EFCC1: variants seen among roughly 807,000 people sequenced by gnomAD.
EFCC1 encodes EF-hand and coiled-coil domain containing 1.
In EFCC1, 50 loss-of-function variants were observed where a neutral mutation model predicts 52.1. That is an observed-to-expected ratio of 0.96 (90% confidence interval 0.76 to 1.21). EFCC1 has a LOEUF of 1.21. Ranked by LOEUF, EFCC1 falls within the 50% of genes most tolerant of loss-of-function variation. The probability of loss-of-function intolerance (pLI) is 0.00; values close to 1 mark genes in which losing one functional copy is unlikely to be tolerated. For missense variants in EFCC1, 837 were observed against 867.3 expected (o/e 0.97, Z 0.44); for synonymous variants, 399 against 396.5 (o/e 1.01, Z -0.08).
chr3:129,004,903 A>C (rs1945001108), intron 2 of EFCC1, among the ~76,000 whole-genome samples: 1 of 152,138 alleles, frequency 6.6e-6, no homozygotes, highest in Non-Finnish European at 1.5e-5. Context: ...AGTGTGGGCA[A>C]GTCACCACCC....
rs139140105 is a variant in EFCC1 at position 129,039,647 on chromosome 3, C to CA, written c.1664-64dup. ...GTGGCTGGGTCTCAGGAAGGAGGGA[C>CA]AGTGGCTCTGTGGGTGAAGGTGAGC... On this transcript the variant is annotated intron_variant, in intron 7 of 7. Transcript: ENST00000683648. 150 of 1,512,130 alleles carry CA rather than the reference C, an allele frequency of 9.9e-5. 2 individuals are homozygous for CA. The African/African-American group carries it at 1.8e-3, about 19-fold the overall frequency. 93.7% of individuals were successfully genotyped at this position (1,512,130 alleles called of 1,614,324 possible). A position where few individuals can be genotyped will look rare whatever the true frequency, so the allele number is the denominator to read the frequency against.
chr3:129,019,764 C>CTTTTTTTTT (rs760118112), intron 2 of EFCC1, among the ~76,000 whole-genome samples: 3 of 107,424 alleles, frequency 2.8e-5, no homozygotes, highest in East Asian at 3.0e-4. Context: ...ATTAAATTTA[C>CTTTTTTTTT]TTTTTTTTTT....
rs1356531121 is a variant in EFCC1 at position 129,004,090 on chromosome 3, G to A, written c.980+13G>A. The A allele has an allele frequency of 2.0e-6, 3 of 1,479,824 alleles. No individual in the cohort carries two copies. Among genetic ancestry groups the A allele is most frequent in the South Asian group, 2.5e-5 (2 of 79,168 alleles). The allele number at this position is 1,479,824 out of a possible 1,614,324, so 91.7% of individuals were successfully genotyped here. A position where few individuals can be genotyped will look rare whatever the true frequency, so the allele number is the denominator to read the frequency against. ...TGCAACGCTACAGGTGAGCGGGGGC[G>A]CGTGCCCTGGGCCCAAGTTCCCCAA... is the stretch of plus-strand genomic sequence containing the variant. On this transcript the variant is annotated intron_variant, in intron 2 of 7. Transcript: ENST00000683648.
rs923391278 is a variant in EFCC1 at position 129,002,066 on chromosome 3, C to A, written c.438C>A (p.His146Gln). ...CGGAGCTCACCTTCCGCCAGTTCCA[C>A]GCGCGCCTCTGTGGCTACTTCGGCA... ...EPPELTFRQF[H>Q]ARLCGYFGTR... Residue 146 changes from histidine (H) to glutamine (Q), a missense_variant, in exon 1 of 8, where the codon CAC becomes CAA. By Grantham distance (24) the His-to-Gln change is conservative (BLOSUM62 0). Coordinates refer to ENST00000683648, the MANE Select transcript of EFCC1 (RefSeq NM_001377500.1). 1 of 1,537,744 alleles carries A rather than the reference C, an allele frequency of 6.5e-7. No homozygotes were observed. The highest frequency in any genetic ancestry group is 8.8e-7 in the Non-Finnish European group (1 of 1,142,108).
intron 2 of EFCC1, among the ~76,000 whole-genome samples, chr3:129,025,029 G>A (rs1473302766): frequency 6.6e-6 from 1 of 152,116 alleles, no homozygotes; most frequent in Non-Finnish European, 1.5e-5. Flanking sequence ...GATGGAGGAA[G>A]ACCAGGACAA....
chr3:129,011,661 C>CAGAGG (rs1185619542), intron 2 of EFCC1, among the ~76,000 whole-genome samples: 3 of 152,064 alleles, frequency 2.0e-5, no homozygotes, highest in Admixed American at 2.0e-4. Context: ...AGCAAGGAGG[C>CAGAGG]AGAGGAGGAG....
chr3:129,009,344 C>T (rs540699135), intron 2 of EFCC1, among the ~76,000 whole-genome samples: 93 of 152,318 alleles, frequency 6.1e-4, no homozygotes, highest in Non-Finnish European at 1.1e-3. Flanking sequence ...AGTGTTACCA[C>T]GATATACTGA....
intron 2 of EFCC1, among the ~76,000 whole-genome samples, chr3:129,017,535 T>C (rs1479624016): frequency 6.6e-6 from 1 of 152,214 alleles, no homozygotes; most frequent in East Asian, 1.9e-4. Context: ...CAGCTCCTTT[T>C]GGCCGTGGGA....
At chr3:129,011,013 G>T (rs888259783) in intron 2 of EFCC1, among the ~76,000 whole-genome samples, 1 of 152,138 alleles carries the variant, frequency 6.6e-6, no homozygotes, top group African/African-American at 2.4e-5. Context: ...AGTTTCCTCG[G>T]CTATAAAGTG....
rs978223555 is a variant in EFCC1 at position 129,036,858 on chromosome 3, C to T, written c.1453-119C>T. 8.7e-6 allele frequency: 13 copies of T among 1,485,728 alleles called. No individual in the cohort carries two copies. The African/African-American group carries it at 1.7e-4, about 19-fold the overall frequency. 92.0% of individuals were successfully genotyped at this position (1,485,728 alleles called of 1,614,324 possible). ...TCCAACCCGCTGTGTGGCTTTAGGC[C>T]ACACACTCAGCTTCTCTGGGCCTCA... On this transcript the variant is annotated intron_variant, in intron 5 of 7. Transcript: ENST00000683648.
intron 2 of EFCC1, among the ~76,000 whole-genome samples, chr3:129,019,769 T>A (rs1171198183): frequency 6.8e-6 from 1 of 147,216 alleles, no homozygotes; most frequent in Non-Finnish European, 1.5e-5. Flanking sequence ...ATTTACTTTT[T>A]TTTTTTTTTT....
intron 2 of EFCC1, among the ~76,000 whole-genome samples, chr3:129,030,235 A>T (rs575840002): frequency 2.6e-5 from 4 of 152,230 alleles, no homozygotes; most frequent in Admixed American, 1.3e-4. Flanking sequence ...AACTTTTTTT[A>T]AAATTCCCCT....
At chr3:129,029,914 G>A (rs559500110) in intron 2 of EFCC1, among the ~76,000 whole-genome samples, 1 of 151,834 alleles carries the variant, frequency 6.6e-6, no homozygotes, top group Admixed American at 6.6e-5. Context: ...GCTAGGTGCA[G>A]TGGCTCATGG....
In EFCC1 at chr3:129,010,724, T is replaced by C. The variant is rs1945288091; in HGVS notation, c.980+6647T>C. On this transcript the variant is annotated intron_variant, in intron 2 of 7. Transcript: ENST00000683648. This position sits in a 1 kb window ranked among gnomAD's most constrained non-coding sequence, Gnocchi z 4.3. ...AGCAGAGGGGGCATGGGGCACCATC[T>C]GGAGCTGGGAGGCCTCGGATTCCAT... 6.6e-6 allele frequency among the ~76,000 whole-genome samples: 1 copy of C among 152,168 alleles called. No homozygotes were observed. Among genetic ancestry groups the C allele is most frequent in the African/African-American group, 2.4e-5 (1 of 41,436 alleles).
chr3:129,011,831 C>CT (rs1945343213), intron 2 of EFCC1, among the ~76,000 whole-genome samples: 1 of 152,144 alleles, frequency 6.6e-6, no homozygotes, highest in Non-Finnish European at 1.5e-5. Context: ...GAGCCTGAGG[C>CT]TTTGCACCCC....
chr3:129,004,452 C>T (rs927339358), intron 2 of EFCC1, among the ~76,000 whole-genome samples: 24 of 145,978 alleles, frequency 1.6e-4, no homozygotes, highest in Non-Finnish European at 3.0e-4. Context: ...CCTACCCACC[C>T]GTCCATCCAT....
chr3:129,030,242 C>G (rs1481823734), intron 2 of EFCC1, among the ~76,000 whole-genome samples: 1 of 151,970 alleles, frequency 6.6e-6, no homozygotes, highest in Non-Finnish European at 1.5e-5. Flanking sequence ...TTTAAAATTC[C>G]CCTATAATAA....
Position 129,001,843 on chromosome 3 carries a change from G to GCCGTCTGCCCCGCGCCGA in EFCC1, c.217_234dup (p.Arg73_Asp78dup). ...CACCACCTGGACTGCCGCGGCGCCG[G>GCCGTCTGCCCCGCGCCGA]CCGTCTGCCCCGCGCCGACTTCCGA... On this transcript the variant is annotated inframe_insertion, in exon 1 of 8. Transcript: ENST00000683648. 2 of 1,545,656 alleles carry GCCGTCTGCCCCGCGCCGA rather than the reference G, an allele frequency of 1.3e-6. No homozygotes were observed. The highest frequency in any genetic ancestry group is 2.8e-5 in the African/African-American group (2 of 72,520).
chr3:129,036,899 A>G, intron 5 of EFCC1, 78 bp from the exon 6 acceptor site: 1 of 1,603,384 alleles, frequency 6.2e-7, no homozygotes, highest in Non-Finnish European at 8.5e-7. Flanking sequence ...AGCCTCGGGG[A>G]GATGGAGTAG....
Sources: gnomAD v4.1 joint callset for allele counts (sites outside exome capture counted in the v4.1 genomes callset) on GRCh38, gnomAD v4.1.1 for gene constraint, Gnocchi (gnomAD v3.1) non-coding constraint, MANE v1.5 for transcripts, NCBI Gene and HGNC (gene_info 2026-07-23, HGNC 2026-07-21) for gene names.